The following CLNK variants were observed in gnomAD, a reference collection of about 807,000 sequenced individuals.
CLNK encodes the protein cytokine-dependent hematopoietic cell linker.
Under a neutral mutation model 68.6 loss-of-function variants are expected in CLNK, and 74 were observed. The observed-to-expected ratio is 1.08, with a 90% confidence interval of 0.89 to 1.31. CLNK has a LOEUF of 1.31. CLNK is among the 50% of genes most tolerant of loss of function. The pLI is 0.00. For missense variants in CLNK, 553 were observed against 515.3 expected, an observed-to-expected ratio of 1.07 and a Z score of -0.71; for synonymous variants, 198 against 172.2, an observed-to-expected ratio of 1.15 and a Z score of -1.17.
upstream of CLNK, among the ~76,000 whole-genome samples, chr4:10,685,612 T>C (rs938947075): frequency 6.6e-6 from 1 of 152,166 alleles, no homozygotes; most frequent in African/African-American, 2.4e-5. Flanking sequence ...ACTCCAACAT[T>C]ATTTACAATA....
chr4:10,501,549 T>G, intron 17 of CLNK, 138 bp from the exon 18 acceptor site: 5 of 782,946 alleles, frequency 6.4e-6, no homozygotes. Context: ...TTCAGTAAGT[T>G]TTTACTGAGT....
At chr4:10,733,746 A>G in the CLNK span, among the ~76,000 whole-genome samples, 3 of 152,164 alleles carry the variant, frequency 2.0e-5, no homozygotes, top group Non-Finnish European at 4.4e-5. Flanking sequence ...TATTTTGTCC[A>G]GAGATGCTTT....
At chr4:10,509,602 G>A (rs1717478155) in intron 16 of CLNK, among the ~76,000 whole-genome samples, 1 of 150,650 alleles carries the variant, frequency 6.6e-6, no homozygotes, top group Non-Finnish European at 1.5e-5. Flanking sequence ...TCAGCTCAAT[G>A]CAACCTCTGC....
At chr4:10,526,061 A>G in intron 13 of CLNK, 139 bp from the exon 14 acceptor site, 2 of 608,310 alleles carry the variant, frequency 3.3e-6, no homozygotes, top group South Asian at 2.1e-5. Flanking sequence ...GTCGGTGGAA[A>G]CTATAACTCA....
chr4:10,696,086 C>T, the CLNK span, among the ~76,000 whole-genome samples: 2 of 152,130 alleles, frequency 1.3e-5, no homozygotes, highest in Non-Finnish European at 2.9e-5. Flanking sequence ...AAACTCCTGA[C>T]CTCAGTTGAT....
chr4:10,492,938 C>G (rs1472784559), intron 18 of CLNK, among the ~76,000 whole-genome samples: 1 of 152,176 alleles, frequency 6.6e-6, no homozygotes, highest in South Asian at 2.1e-4. Flanking sequence ...CTGTAAGTCC[C>G]TTGTCCTTCT....
At chr4:10,721,441 G>C in the CLNK span, among the ~76,000 whole-genome samples, 1 of 152,138 alleles carries the variant, frequency 6.6e-6, no homozygotes, top group Admixed American at 6.5e-5. Context: ...GGAACACATT[G>C]ACATAATTCT....
chr4:10,693,594 T>C, the CLNK span, among the ~76,000 whole-genome samples: 2 of 152,354 alleles, frequency 1.3e-5, 1 homozygote, highest in Admixed American at 1.3e-4. Context: ...TTTAGGACTC[T>C]GGCCTCCAGA....
At chr4:10,491,211 A>G (rs529914488) in intron 18 of CLNK, among the ~76,000 whole-genome samples, 1 of 152,344 alleles carries the variant, frequency 6.6e-6, no homozygotes, top group East Asian at 1.9e-4. Flanking sequence ...CCCTCTCTGG[A>G]ATCAGATCAC....
At chr4:10,692,382 G>A in the CLNK span, among the ~76,000 whole-genome samples, 2 of 152,104 alleles carry the variant, frequency 1.3e-5, no homozygotes, top group African/African-American at 2.4e-5. Flanking sequence ...AGTGAGGGCC[G>A]CATTCACAGG....
At chr4:10,619,208 C>A (rs866174800) in intron 2 of CLNK, among the ~76,000 whole-genome samples, 1 of 152,192 alleles carries the variant, frequency 6.6e-6, no homozygotes, top group Non-Finnish European at 1.5e-5. Flanking sequence ...TGCTGTAATT[C>A]AAGCTAACAA....
chr4:10,502,155 C>A (rs1158978473), intron 17 of CLNK, among the ~76,000 whole-genome samples: 1 of 152,174 alleles, frequency 6.6e-6, no homozygotes, highest in Non-Finnish European at 1.5e-5. Context: ...TTTCACACTT[C>A]TATAAAGAAA....
the CLNK span, among the ~76,000 whole-genome samples, chr4:10,698,014 T>A: frequency 6.6e-6 from 1 of 152,210 alleles, no homozygotes. Context: ...CCGTTTTGTG[T>A]TAATTTCTGT....
chr4:10,555,419 C>G (rs1225766803), intron 8 of CLNK, among the ~76,000 whole-genome samples: 1 of 152,138 alleles, frequency 6.6e-6, no homozygotes, highest in Non-Finnish European at 1.5e-5. Flanking sequence ...CTATTCCTAT[C>G]TGAAAATAAG....
In CLNK at chr4:10,601,832, G is replaced by A. The variant is rs570751446; in HGVS notation, c.12-3783C>T. Among the ~76,000 whole-genome samples, 5 of 152,296 alleles carry A rather than the reference G, an allele frequency of 3.3e-5. No homozygotes were observed. In the South Asian group the frequency reaches 8.3e-4, roughly 25 times the overall value. On this transcript the variant is annotated intron_variant, in intron 2 of 18. Transcript: ENST00000226951. ...ACAAAAGCTTTTTAAACTGCTGCTC[G>A]ATTTGCTTGTCACAGACTCTGGCCA... is the stretch of plus-strand genomic sequence containing the variant.
chr4:10,649,222 A>C (rs1723634106), intron 2 of CLNK, among the ~76,000 whole-genome samples: 1 of 152,150 alleles, frequency 6.6e-6, no homozygotes, highest in African/African-American at 2.4e-5. Context: ...CCACAGGGAG[A>C]ATATTGTTTA....
intron 8 of CLNK, among the ~76,000 whole-genome samples, chr4:10,555,069 A>T (rs1329210434): frequency 4.6e-5 from 7 of 152,202 alleles, no homozygotes; most frequent in Non-Finnish European, 7.3e-5. Context: ...TTCTGATTCT[A>T]ATTTCTTCAG....
intron 18 of CLNK, among the ~76,000 whole-genome samples, chr4:10,498,086 TC>T (rs1716886207): frequency 6.6e-6 from 1 of 152,156 alleles, no homozygotes; most frequent in Non-Finnish European, 1.5e-5. Flanking sequence ...TCCCAGCTAC[TC>T]GGGAGGCTGA....
Position 10,509,139 on chromosome 4 carries a change from G to A in CLNK, c.907-1103C>T, listed in dbSNP as rs77622513. ...AAAAAAAAAAAGGAAGTCTAAACCT[G>A]TCACATGGTTGGCAAGAGTTAGGTA... On this transcript the variant is annotated intron_variant, in intron 16 of 18. Transcript: ENST00000226951. Among the ~76,000 whole-genome samples the A allele has an allele frequency of 5.9e-3, 867 of 147,148 alleles. 10 individuals are homozygous for A. The highest frequency in any genetic ancestry group is 0.021 in the African/African-American group (819 of 39,916).
Sources: allele counts gnomAD v4.1 joint callset (sites outside exome capture counted in the v4.1 genomes callset), GRCh38; gene constraint gnomAD v4.1.1; transcripts MANE v1.5; gene names NCBI Gene and HGNC (gene_info 2026-07-23, HGNC 2026-07-21).